RSPO1: variants seen among roughly 807,000 people sequenced by gnomAD.
The protein encoded by RSPO1 is R-spondin-1.
RSPO1 carries 18 observed loss-of-function variants against 26.0 expected under a neutral mutation model. That is an observed-to-expected ratio of 0.69 (90% CI 0.48 to 1.03). RSPO1 has a LOEUF of 1.03. RSPO1 is among the 50% of genes least tolerant of loss of function. The pLI is 0.00. For synonymous variants in RSPO1, 133 were observed against 137.4 expected (o/e 0.97, Z 0.22); for missense variants, 309 against 352.3 (o/e 0.88, Z 0.98).
In RSPO1 at chr1:37,629,618, G is replaced by A. The variant is rs756170881; in HGVS notation, c.44C>T (p.Thr15Met). The change falls in exon 3 of 7, where the codon ACG becomes ATG. Residue 15 changes from threonine to methionine, a missense_variant. Thr to Met is a moderately conservative substitution (Grantham distance 81). Transcript: ENST00000356545. ...CCCCCGGCTGCTGATGGTGAGGTGC[G>A]TCCAGCTCAGAACCAGGGCCACCAC... ...LCVVALVLSW[T>M]HLTISSRGIK... 55 of 1,613,886 alleles carry A rather than the reference G, an allele frequency of 3.4e-5. No individual in the cohort carries two copies. The highest frequency in any genetic ancestry group is 1.8e-4 in the Admixed American group (11 of 59,996).
At chr1:37,622,799 G>A (rs530508689) in intron 3 of RSPO1, among the ~76,000 whole-genome samples, 34 of 152,324 alleles carry the variant, frequency 2.2e-4, no homozygotes, top group African/African-American at 7.5e-4. Context: ...ACCTTGAGAA[G>A]GGCAGTTTTG....
intron 3 of RSPO1, among the ~76,000 whole-genome samples, chr1:37,617,426 A>G (rs1372772359): frequency 6.6e-6 from 1 of 152,182 alleles, no homozygotes; most frequent in East Asian, 1.9e-4. Flanking sequence ...TGGGAGGCCA[A>G]GGCGGGCAGA....
In RSPO1 at chr1:37,612,793, C is replaced by G; in HGVS notation, c.754G>C (p.Gly252Arg). 1 of 1,612,612 alleles carries G rather than the reference C, an allele frequency of 6.2e-7. No homozygotes were observed. Residue 252 changes from glycine (G) to arginine (R), a missense_variant, in exon 7 of 7, where the codon GGG (glycine) becomes CGG (arginine). Physicochemically the swap from Gly to Arg is moderately radical, Grantham distance 125. Coordinates refer to ENST00000356545, the MANE Select transcript of RSPO1 (RefSeq NM_001242908.2). ...GCAGATGTGAGTGGCCCCACTGTCCCTTGCTGCTGCTGCTGTTGCTGCCCC... is the reference window on the plus strand; with the variant it reads ...GCAGATGTGAGTGGCCCCACTGTCCGTTGCTGCTGCTGCTGTTGCTGCCCC... ...RKGQQQQQQQ[G>R]TVGPLTSAGP...
chr1:37,629,497 G>T, intron 3 of RSPO1, 71 bp downstream of exon 3: 1 of 1,251,590 alleles, frequency 8.0e-7, no homozygotes, highest in Non-Finnish European at 1.2e-6. Context: ...AACTCCTGAA[G>T]ACCCCTAGTT....
chr1:37,630,911 C>T (rs953074510), intron 2 of RSPO1, among the ~76,000 whole-genome samples: 4 of 152,248 alleles, frequency 2.6e-5, no homozygotes, highest in Non-Finnish European at 5.9e-5. Context: ...GGAGCCATCA[C>T]CTTCCCCTCC....
intron 3 of RSPO1, among the ~76,000 whole-genome samples, chr1:37,623,585 C>G (rs1020675212): frequency 2.0e-5 from 3 of 151,888 alleles, no homozygotes; most frequent in Admixed American, 2.0e-4. Flanking sequence ...CTGGATCGAC[C>G]ATGGCATGGA....
chr1:37,612,896 C>T lies in RSPO1; in HGVS notation c.651G>A (p.Gln217=), dbSNP rs1557428167. The part of the protein sequence containing the change: ...PEGQKRRKGG[Q]GRRENANRNL... ...TCCTGTTGGCATTCTCCCGCCGGCC[C>T]TGGCCTCCCTTCCTCCTCTTCTGCC... Residue 217 remains glutamine (Q), a synonymous_variant, in exon 7 of 7, where the codon CAG becomes CAA. Coordinates refer to ENST00000356545, the MANE Select transcript of RSPO1 (RefSeq NM_001242908.2). The T allele has an allele frequency of 2.5e-6, 4 of 1,614,182 alleles. No homozygotes were observed. Among genetic ancestry groups the T allele is most frequent in the Middle Eastern group, 1.7e-4 (1 of 6,056 alleles).
chr1:37,612,183 A>G lies in RSPO1; in HGVS notation c.*572T>C, dbSNP rs927120947. On this transcript the variant is annotated 3_prime_UTR_variant, in exon 7 of 7. Coordinates refer to ENST00000356545, the MANE Select transcript of RSPO1 (RefSeq NM_001242908.2). ...TGTTTTAATTTGAAATAAACCTTTA[A>G]GCAGTTTTCAAAGTCAGGTTAACCC... is the stretch of plus-strand genomic sequence containing the variant. 1 of 155,932 alleles carries G rather than the reference A, an allele frequency of 6.4e-6. No individual in the cohort carries two copies. The highest frequency in any genetic ancestry group is 6.1e-5 in the Admixed American group (1 of 16,290). 9.7% of individuals were successfully genotyped at this position (155,932 alleles called of 1,614,324 possible). A position where few individuals can be genotyped will look rare whatever the true frequency, so the allele number is the denominator to read the frequency against.
chr1:37,616,848 C>T (rs961643263), intron 3 of RSPO1, among the ~76,000 whole-genome samples, 173 bp from the exon 4 acceptor site: 7 of 152,232 alleles, frequency 4.6e-5, no homozygotes, highest in Admixed American at 2.6e-4. Flanking sequence ...TATACACCTT[C>T]CCAGTAGCTT....
chr1:37,627,537 C>T (rs976685028), intron 3 of RSPO1, among the ~76,000 whole-genome samples: 1 of 152,048 alleles, frequency 6.6e-6, no homozygotes, highest in Admixed American at 6.5e-5. Context: ...GTAATCCCAG[C>T]TACTTGGGAG....
At chr1:37,631,589 T>C (rs1557441614) in intron 2 of RSPO1, among the ~76,000 whole-genome samples, 1 of 152,248 alleles carries the variant, frequency 6.6e-6, no homozygotes, top group African/African-American at 2.4e-5. Context: ...TGGATTTGAA[T>C]ATTGGTTCTG....
At chr1:37,622,831 C>G (rs1644222293) in intron 3 of RSPO1, among the ~76,000 whole-genome samples, 1 of 152,002 alleles carries the variant, frequency 6.6e-6, no homozygotes, top group South Asian at 2.1e-4. Flanking sequence ...GAGATGAGAG[C>G]CAAACCACAG....
chr1:37,622,828 G>A (rs552346205), intron 3 of RSPO1, among the ~76,000 whole-genome samples: 169 of 152,322 alleles, frequency 1.1e-3, no homozygotes, highest in African/African-American at 4.0e-3. Context: ...GTGGAGATGA[G>A]AGCCAAACCA....
In RSPO1 at chr1:37,629,432, A is replaced by T. The variant is rs113259375; in HGVS notation, c.94+136T>A. 1,025 of 718,964 alleles carry T rather than the reference A, an allele frequency of 1.4e-3. 6 individuals carry two copies. The African/African-American group carries it at 0.016, about 11-fold the overall frequency. 44.5% of individuals were successfully genotyped at this position (718,964 alleles called of 1,614,324 possible). A position where few individuals can be genotyped will look rare whatever the true frequency, so the allele number is the denominator to read the frequency against. On this transcript the variant is annotated intron_variant, in intron 3 of 6. Transcript: ENST00000356545. ...CACAAACAGGATCATCTACTGAGTG[A>T]TCTACAAAGCTATAATAGATAGAGT... is the stretch of plus-strand genomic sequence containing the variant.
intron 3 of RSPO1, among the ~76,000 whole-genome samples, chr1:37,618,475 T>C (rs1644151366): frequency 1.3e-5 from 2 of 152,188 alleles, no homozygotes; most frequent in South Asian, 2.1e-4. Context: ...GGATGAGACC[T>C]GGCCCAATTT....
chr1:37,627,029 G>A (rs531393993), intron 3 of RSPO1, among the ~76,000 whole-genome samples: 19 of 152,194 alleles, frequency 1.2e-4, no homozygotes, highest in East Asian at 1.9e-4. Context: ...AACTTTTCTC[G>A]CTCCATGCAG....
chr1:37,613,936 G>C lies in RSPO1; in HGVS notation c.437-44C>G, dbSNP rs754003897. The C allele has an allele frequency of 2.5e-6, 4 of 1,578,120 alleles. No individual in the cohort carries two copies. ...AAGGGAGAGAAGGACAAGGAGGAGGGGATCATGTCTCCTCCTCTGGCCCAG... is the reference window on the plus strand; with the variant it reads ...AAGGGAGAGAAGGACAAGGAGGAGGCGATCATGTCTCCTCCTCTGGCCCAG... On this transcript the variant is annotated intron_variant, in intron 5 of 6. Transcript: ENST00000356545. This position sits in a 1 kb window ranked among gnomAD's most constrained non-coding sequence, Gnocchi z 4.5.
At chr1:37,620,615 G>A (rs1030964136) in intron 3 of RSPO1, among the ~76,000 whole-genome samples, 26 of 146,148 alleles carry the variant, frequency 1.8e-4, no homozygotes, top group Non-Finnish European at 3.6e-4. Flanking sequence ...GGTGATGAGC[G>A]AGACTCTGTC....
At chr1:37,620,036 AC>A (rs1644177278) in intron 3 of RSPO1, among the ~76,000 whole-genome samples, 1 of 152,058 alleles carries the variant, frequency 6.6e-6, no homozygotes, top group African/African-American at 2.4e-5. Context: ...GGCGTGAGCC[AC>A]CCCTCTTGGC....
Sources: allele counts gnomAD v4.1 joint callset (sites outside exome capture counted in the v4.1 genomes callset), GRCh38; gene constraint gnomAD v4.1.1; non-coding constraint Gnocchi (gnomAD v3.1); transcripts MANE v1.5; gene names NCBI Gene and HGNC (gene_info 2026-07-23, HGNC 2026-07-21).